The following LINGO2 variants were observed in gnomAD, a reference collection of about 807,000 sequenced individuals.
The protein encoded by LINGO2 is leucine rich repeat and Ig domain containing 2, also known as leucine-rich repeat and immunoglobulin-like domain-containing nogo receptor-interacting protein 2.
In LINGO2, 14 loss-of-function variants were observed where a neutral mutation model predicts 30.6. The ratio of observed to expected loss-of-function variants is 0.46; its 90% CI spans 0.30 to 0.72. LINGO2 has a LOEUF of 0.72. Ranked by LOEUF, LINGO2 falls within the 30% of genes least tolerant of loss-of-function variation. LINGO2 has a pLI of 0.07. For missense variants in LINGO2, 729 were observed against 751.7 expected, an observed-to-expected ratio of 0.97 and a Z score of 0.35; for synonymous variants, 317 against 288.5, an observed-to-expected ratio of 1.10 and a Z score of -1.00.
intron 5 of LINGO2, among the ~76,000 whole-genome samples, chr9:27,978,377 A>T (rs956420712): frequency 6.6e-6 from 1 of 152,074 alleles, no homozygotes; most frequent in Non-Finnish European, 1.5e-5. Context: ...TGCAAAATTT[A>T]TATGTTAAAT....
In LINGO2 at chr9:27,987,585, C is replaced by T. The variant is rs139547275; in HGVS notation, c.-36+24770G>A. 2.1e-3 allele frequency among the ~76,000 whole-genome samples: 324 copies of T among 151,988 alleles called. 4 individuals carry two copies. Among genetic ancestry groups the T allele is most frequent in the African/African-American group, 7.5e-3 (313 of 41,510 alleles). ...ATATTTGGTTTGAAGACGTTAGCTT[C>T]GTATGCCAAAGTAAAGCATTCACTC... On this transcript the variant is annotated intron_variant, in intron 5 of 5. Transcript: ENST00000379992.
chr9:28,879,678 G>T, the LINGO2 span, among the ~76,000 whole-genome samples: 1 of 152,116 alleles, frequency 6.6e-6, no homozygotes, highest in South Asian at 2.1e-4. Context: ...ACCCCTCTTT[G>T]TAGAGTTCCA....
At chr9:29,074,825 A>C in the LINGO2 span, among the ~76,000 whole-genome samples, 1 of 145,688 alleles carries the variant, frequency 6.9e-6, no homozygotes, top group Non-Finnish European at 1.5e-5. Context: ...CCACCACCAC[A>C]CCTAGCTAAT....
chr9:28,787,032 G>C, the LINGO2 span, among the ~76,000 whole-genome samples: 1 of 152,130 alleles, frequency 6.6e-6, no homozygotes, highest in African/African-American at 2.4e-5. Context: ...GCTAGTTCTA[G>C]GGGTAACATG....
At chr9:28,195,736 A>T (rs928592990) in intron 4 of LINGO2, among the ~76,000 whole-genome samples, 2 of 151,518 alleles carry the variant, frequency 1.3e-5, no homozygotes, top group African/African-American at 4.8e-5. Flanking sequence ...CTATTTATTC[A>T]TACATAGTTT....
intron 4 of LINGO2, among the ~76,000 whole-genome samples, chr9:28,212,057 ATATG>A (rs1820611578): frequency 6.6e-6 from 1 of 151,482 alleles, no homozygotes; most frequent in Admixed American, 6.6e-5. Flanking sequence ...AATGAAAGGA[ATATG>A]TATTTAGAAG....
intron 1 of LINGO2, among the ~76,000 whole-genome samples, chr9:28,540,975 C>T (rs1471318711): frequency 6.6e-6 from 1 of 152,138 alleles, no homozygotes; most frequent in Non-Finnish European, 1.5e-5. Flanking sequence ...ATTTTCCTAT[C>T]TAAAGCCCAG....
At chr9:29,131,303 C>G in the LINGO2 span, among the ~76,000 whole-genome samples, 1 of 152,056 alleles carries the variant, frequency 6.6e-6, no homozygotes, top group Non-Finnish European at 1.5e-5. Context: ...TACTGGGAAT[C>G]AGCTTAATTT....
the LINGO2 span, among the ~76,000 whole-genome samples, chr9:28,898,910 C>T: frequency 6.6e-6 from 1 of 151,978 alleles, no homozygotes; most frequent in African/African-American, 2.4e-5. Flanking sequence ...CACATGTATC[C>T]CTGAACCTAA....
chr9:28,098,078 G>A (rs572735874), intron 4 of LINGO2, among the ~76,000 whole-genome samples: 1 of 152,278 alleles, frequency 6.6e-6, no homozygotes, highest in Admixed American at 6.5e-5. Flanking sequence ...GCCGTGGAGA[G>A]TGCATCACTT....
chr9:28,195,254 T>G (rs1819968145), intron 4 of LINGO2, among the ~76,000 whole-genome samples: 1 of 151,840 alleles, frequency 6.6e-6, no homozygotes, highest in South Asian at 2.1e-4. Context: ...GTGATAGTTA[T>G]TAATTAGACC....
intron 3 of LINGO2, among the ~76,000 whole-genome samples, chr9:28,353,702 A>G (rs1820022200): frequency 6.6e-6 from 1 of 152,140 alleles, no homozygotes; most frequent in African/African-American, 2.4e-5. Flanking sequence ...ACACATGCAC[A>G]CGTATGTTTA....
chr9:29,128,281 G>A, the LINGO2 span, among the ~76,000 whole-genome samples: 6 of 152,046 alleles, frequency 3.9e-5, no homozygotes, highest in African/African-American at 1.4e-4. Flanking sequence ...CCTAGATGGA[G>A]GTTCTGAGGT....
intron 1 of LINGO2, among the ~76,000 whole-genome samples, chr9:28,631,667 T>A (rs1328651962): frequency 6.6e-6 from 1 of 151,890 alleles, no homozygotes; most frequent in African/African-American, 2.4e-5. Context: ...GCTTGAGGAG[T>A]CCTTAGGTAC....
chr9:28,660,074 C>T (rs567234766), intron 1 of LINGO2, among the ~76,000 whole-genome samples: 33 of 152,030 alleles, frequency 2.2e-4, no homozygotes, highest in African/African-American at 6.7e-4. Context: ...AAGTTGTCAT[C>T]GGGATTAAAA....
intron 3 of LINGO2, among the ~76,000 whole-genome samples, chr9:28,302,036 T>C (rs1025028853): frequency 6.6e-6 from 1 of 152,080 alleles, no homozygotes; most frequent in African/African-American, 2.4e-5. Flanking sequence ...TAGAGGGAGT[T>C]CCTTACCACC....
chr9:29,007,273 T>C, the LINGO2 span, among the ~76,000 whole-genome samples: 1 of 152,100 alleles, frequency 6.6e-6, no homozygotes, highest in African/African-American at 2.4e-5. Context: ...AGAAGCCATC[T>C]GTTGAATTTT....
chr9:28,745,539 C>T, the LINGO2 span, among the ~76,000 whole-genome samples: 16 of 152,056 alleles, frequency 1.1e-4, no homozygotes, highest in African/African-American at 2.4e-4. Context: ...AATTCCCAGA[C>T]GTTGAATGAG....
chr9:29,103,606 T>C, the LINGO2 span, among the ~76,000 whole-genome samples: 1 of 152,276 alleles, frequency 6.6e-6, no homozygotes, highest in Middle Eastern at 3.4e-3. Context: ...TTGATGAAAT[T>C]ATAGAATCAA....
Sources: gnomAD v4.1 joint callset for allele counts (sites outside exome capture counted in the v4.1 genomes callset) on GRCh38, gnomAD v4.1.1 for gene constraint, MANE v1.5 for transcripts, NCBI Gene and HGNC (gene_info 2026-07-23, HGNC 2026-07-21) for gene names.